Variants in MCM9 observed in about 807,000 individuals in gnomAD.
The protein encoded by MCM9 is minichromosome maintenance 9 homologous recombination repair factor.
In MCM9, 55 loss-of-function variants were observed where a neutral mutation model predicts 72.8. That is an observed-to-expected ratio of 0.76 (90% confidence interval 0.61 to 0.95). The LOEUF is 0.95. Among genes scored for constraint, MCM9 ranks in the 40% least tolerant of loss-of-function variants. The pLI is 0.00. For missense variants in MCM9, 1,279 were observed against 1,377.0 expected (o/e 0.93, Z 1.13); for synonymous variants, 480 against 503.4 (o/e 0.95, Z 0.62).
chr6:118,816,373 G>T, intron 13 of MCM9, 79 bp from the exon 14 acceptor site: 2 of 1,221,534 alleles, frequency 1.6e-6, no homozygotes, highest in Non-Finnish European at 2.2e-6. Context: ...TTTAGTCTCT[G>T]AGATACCATC....
intron 8 of MCM9, among the ~76,000 whole-genome samples, chr6:118,891,299 C>G (rs36136694): frequency 3.3e-4 from 51 of 152,298 alleles, no homozygotes; most frequent in African/African-American, 1.2e-3. Context: ...TGCTTGGGAA[C>G]TGACCAATAT....
intron 8 of MCM9, among the ~76,000 whole-genome samples, chr6:118,876,300 TA>T (rs1439097016): frequency 6.6e-6 from 1 of 152,154 alleles, no homozygotes; most frequent in Non-Finnish European, 1.5e-5. Context: ...TACAATACCA[TA>T]ATGGTGGATA....
At chr6:118,818,594 T>C (rs1049448119) in intron 13 of MCM9, among the ~76,000 whole-genome samples, 1 of 152,228 alleles carries the variant, frequency 6.6e-6, no homozygotes, top group African/African-American at 2.4e-5. Context: ...TTGCTTAGGA[T>C]TATCATGGCT....
At chr6:118,867,962 C>T (rs1382650345) in intron 8 of MCM9, among the ~76,000 whole-genome samples, 1 of 151,190 alleles carries the variant, frequency 6.6e-6, no homozygotes, top group East Asian at 1.9e-4. Flanking sequence ...CTGCAACCTC[C>T]ACCTCCTGGG....
intron 8 of MCM9, among the ~76,000 whole-genome samples, chr6:118,891,838 T>G (rs1367978377): frequency 2.6e-5 from 4 of 152,238 alleles, no homozygotes; most frequent in Admixed American, 6.5e-5. Context: ...TCAGCCATCC[T>G]TCCCCCAAGT....
chr6:118,917,723 A>C lies in MCM9; in HGVS notation c.742T>G (p.Trp248Gly). ...CGCACATCTTGCTGAAAGGGCTTCCACCGTTGCATTACAATCCCGTAAATA... is the reference window on the plus strand; with the variant it reads ...CGCACATCTTGCTGAAAGGGCTTCCCCCGTTGCATTACAATCCCGTAAATA... ...LTIYGIVMQR[W>G]KPFQQDVRCE... Residue 248 changes from tryptophan to glycine, a missense_variant, in exon 6 of 14, where the codon TGG (tryptophan) becomes GGG (glycine). Coordinates refer to ENST00000619706, the MANE Select transcript of MCM9 (RefSeq NM_017696.3). 7 of 1,614,142 alleles carry C rather than the reference A, an allele frequency of 4.3e-6. No homozygotes were observed. The highest frequency in any genetic ancestry group is 5.9e-6 in the Non-Finnish European group (7 of 1,180,010).
rs186156627 is a variant in MCM9, at chr6:118,846,751, T to C, written c.1325+9620A>G. On this transcript the variant is annotated intron_variant, in intron 9 of 13. Transcript: ENST00000619706. ...TTATGGAAAACACTATTAAGTAAAA[T>C]GCACTTAACTGAGATTCCTCTGAAC... 5.2e-4 allele frequency among the ~76,000 whole-genome samples: 79 copies of C among 151,774 alleles called. 5 individuals are homozygous for C. Among genetic ancestry groups the C allele is most frequent in the African/African-American group, 1.9e-3 (79 of 41,130 alleles).
intron 9 of MCM9, among the ~76,000 whole-genome samples, chr6:118,854,011 A>C (rs1414256770): frequency 6.6e-6 from 1 of 152,200 alleles, no homozygotes. Context: ...TGGAGATGCT[A>C]TTATAAATGT....
intron 8 of MCM9, among the ~76,000 whole-genome samples, chr6:118,891,236 G>A (rs933253384): frequency 1.3e-5 from 2 of 152,020 alleles, no homozygotes; most frequent in Non-Finnish European, 2.9e-5. Context: ...CTCCACATAC[G>A]CCACACCCTT....
At chr6:118,855,405 T>A (rs1365642296) in intron 9 of MCM9, among the ~76,000 whole-genome samples, 1 of 152,202 alleles carries the variant, frequency 6.6e-6, no homozygotes, top group Non-Finnish European at 1.5e-5. Context: ...TCTAGCACAA[T>A]GCCTGAAACA....
intron 8 of MCM9, among the ~76,000 whole-genome samples, chr6:118,878,763 T>G (rs1175408959): frequency 6.6e-6 from 1 of 151,966 alleles, no homozygotes; most frequent in Non-Finnish European, 1.5e-5. Flanking sequence ...TTAATATATT[T>G]AATGCCAAAG....
At chr6:118,908,198 A>G (rs1780303065) in intron 8 of MCM9, 1 of 152,182 alleles carries the variant, frequency 6.6e-6, no homozygotes, top group Non-Finnish European at 1.5e-5. Context: ...GTTGGACAGC[A>G]TTTGGTTTGT....
At chr6:118,928,014 C>T (rs1054707296) in intron 3 of MCM9, among the ~76,000 whole-genome samples, 1 of 152,214 alleles carries the variant, frequency 6.6e-6, no homozygotes, top group African/African-American at 2.4e-5. Context: ...TCTATCAAGA[C>T]TTCTGCGCAC....
chr6:118,822,522 C>G (rs1379092867), intron 13 of MCM9, among the ~76,000 whole-genome samples: 1 of 152,140 alleles, frequency 6.6e-6, no homozygotes, highest in Non-Finnish European at 1.5e-5. Context: ...AGCCTGATGC[C>G]AGCAGAGCTC....
intron 8 of MCM9, among the ~76,000 whole-genome samples, chr6:118,874,297 G>A (rs954648456): frequency 3.3e-5 from 5 of 152,140 alleles, no homozygotes; most frequent in East Asian, 3.9e-4. Context: ...TCATCAGGCC[G>A]TTGATAAAAC....
At chr6:118,927,557 A>G (rs922511215) in intron 3 of MCM9, among the ~76,000 whole-genome samples, 1 of 152,042 alleles carries the variant, frequency 6.6e-6, no homozygotes, top group African/African-American at 2.4e-5. Context: ...GTGAGCCGAG[A>G]TCGTGCCACT....
At position 118,814,646 on chromosome 6, in the gene MCM9, A is replaced by T; in HGVS notation, c.*178T>A. On this transcript the variant is annotated 3_prime_UTR_variant, in exon 14 of 14. Transcript: ENST00000619706. ...TATCACACTGACCTCAACTGATTAT[A>T]CAACTTTTTAAGTCATGAAGATTAA... The T allele has an allele frequency of 1.8e-6, 1 of 546,478 alleles. No homozygotes were observed. The highest frequency in any genetic ancestry group is 3.0e-6 in the Non-Finnish European group (1 of 330,396). The allele number at this position is 546,478 out of a possible 1,614,324, so 33.9% of individuals were successfully genotyped here. A position where few individuals can be genotyped will look rare whatever the true frequency, so the allele number is the denominator to read the frequency against.
intron 9 of MCM9, among the ~76,000 whole-genome samples, chr6:118,831,719 T>G (rs1455374563): frequency 2.6e-5 from 4 of 152,168 alleles, no homozygotes; most frequent in Non-Finnish European, 5.9e-5. Context: ...CACTAAATAC[T>G]AAATGAATGA....
chr6:118,862,077 C>G (rs1245526246), intron 8 of MCM9, among the ~76,000 whole-genome samples: 1 of 152,220 alleles, frequency 6.6e-6, no homozygotes, highest in Non-Finnish European at 1.5e-5. Context: ...CAAGAGTGTT[C>G]AGGCTTGGCT....
Sources: gnomAD v4.1 joint callset for allele counts (sites outside exome capture counted in the v4.1 genomes callset) on GRCh38, gnomAD v4.1.1 for gene constraint, MANE v1.5 for transcripts, NCBI Gene and HGNC (gene_info 2026-07-23, HGNC 2026-07-21) for gene names.